The following LRBA variants were observed in gnomAD, a reference collection of about 807,000 sequenced individuals.
The protein encoded by LRBA is LPS responsive beige-like anchor protein.
A neutral mutation model predicts 330.0 loss-of-function variants in LRBA; 176 were observed. The observed-to-expected ratio is 0.53, with a 90% CI of 0.47 to 0.60. LRBA has a LOEUF of 0.60. Among genes scored for constraint, LRBA ranks in the 20% least tolerant of loss-of-function variants. LRBA has a pLI of 0.00. For missense variants in LRBA, 3,259 were observed against 3,444.8 expected (o/e 0.95, Z 1.35); for synonymous variants, 1,230 against 1,193.0 (o/e 1.03, Z -0.64).
intron 37 of LRBA, among the ~76,000 whole-genome samples, chr4:150,660,497 C>A (rs1382641972): frequency 1.3e-5 from 2 of 151,370 alleles, no homozygotes; most frequent in African/African-American, 2.4e-5. Flanking sequence ...TCAGCCCCCC[C>A]CGCCCGGCCA....
chr4:150,586,456 C>A (rs1772121909), intron 40 of LRBA, among the ~76,000 whole-genome samples: 1 of 152,076 alleles, frequency 6.6e-6, no homozygotes, highest in Non-Finnish European at 1.5e-5. Flanking sequence ...TTACAGAACA[C>A]CTTAAAGCAT....
intron 37 of LRBA, among the ~76,000 whole-genome samples, chr4:150,667,023 T>C (rs1447768143): frequency 3.3e-5 from 5 of 152,170 alleles, no homozygotes; most frequent in Admixed American, 3.3e-4. Flanking sequence ...AACCAAGTGC[T>C]CTGCCAGTGT....
chr4:150,486,499 C>T (rs921011370), intron 42 of LRBA, among the ~76,000 whole-genome samples: 1 of 151,696 alleles, frequency 6.6e-6, no homozygotes, highest in African/African-American at 2.4e-5. Context: ...GGAAATAAAG[C>T]AAATCTTCAG....
chr4:150,574,067 T>C (rs1189775202), intron 40 of LRBA, among the ~76,000 whole-genome samples: 1 of 152,080 alleles, frequency 6.6e-6, no homozygotes, highest in African/African-American at 2.4e-5. Context: ...CCATTAAATA[T>C]TTAAGGGAAA....
chr4:150,492,328 A>C (rs563126478), intron 40 of LRBA, among the ~76,000 whole-genome samples: 1 of 152,150 alleles, frequency 6.6e-6, no homozygotes, highest in Non-Finnish European at 1.5e-5. Context: ...TACAAAACAA[A>C]AAGTTCAAAA....
intron 47 of LRBA, among the ~76,000 whole-genome samples, chr4:150,385,885 AAGT>A (rs1479473472): frequency 6.6e-6 from 1 of 152,170 alleles, no homozygotes; most frequent in Non-Finnish European, 1.5e-5. Context: ...CAATAGCAGT[AAGT>A]AGCAGCTGGA....
chr4:150,787,634 C>A (rs1454604492), intron 34 of LRBA, among the ~76,000 whole-genome samples: 1 of 152,172 alleles, frequency 6.6e-6, no homozygotes, highest in Non-Finnish European at 1.5e-5. Context: ...GGGTATCCAT[C>A]CCCTCAAGCG....
intron 47 of LRBA, among the ~76,000 whole-genome samples, chr4:150,391,609 C>T (rs6848343): frequency 0.87 from 132,492 of 152,104 alleles, 58,561 homozygotes; most frequent in Non-Finnish European, 0.96. Context: ...ATATACGTGA[C>T]AGGAACTAGG....
At chr4:150,980,294 C>A (rs186909204) in intron 2 of LRBA, among the ~76,000 whole-genome samples, 28 of 152,118 alleles carry the variant, frequency 1.8e-4, no homozygotes, top group African/African-American at 6.7e-4. Flanking sequence ...ACAAAAAAAA[C>A]CCTCAAAAAA....
chr4:150,800,588 C>A (rs1741467392), intron 33 of LRBA, among the ~76,000 whole-genome samples: 1 of 152,122 alleles, frequency 6.6e-6, no homozygotes, highest in Non-Finnish European at 1.5e-5. Flanking sequence ...CTAAGAACAT[C>A]CAAAGGAAGG....
At chr4:150,610,730 A>C (rs920891059) in intron 37 of LRBA, among the ~76,000 whole-genome samples, 11 of 152,194 alleles carry the variant, frequency 7.2e-5, no homozygotes, top group African/African-American at 2.4e-4. Flanking sequence ...GCCTGGGATG[A>C]CTATGGGTGA....
rs148330317 is a variant in LRBA, at chr4:150,747,081, T to C, written c.5646-11715A>G. ...CATGGCTTATAAATCAGTCTCATTG[T>C]TGTTAAACTTTTATACTCTAAGAAC... On this transcript the variant is annotated intron_variant, in intron 35 of 56. Transcript: ENST00000651943. Among the ~76,000 whole-genome samples, 546 of 152,330 alleles carry C rather than the reference T, an allele frequency of 3.6e-3. 4 individuals carry two copies. Among genetic ancestry groups the C allele is most frequent in the Non-Finnish European group, 5.4e-3 (366 of 68,030 alleles).
At chr4:150,604,361 G>A (rs1258681897) in intron 37 of LRBA, among the ~76,000 whole-genome samples, 1 of 151,548 alleles carries the variant, frequency 6.6e-6, no homozygotes, top group Non-Finnish European at 1.5e-5. Flanking sequence ...CTCTGATGAT[G>A]GCAATGAACT....
In LRBA at chr4:150,761,852, A is replaced by T. The variant is rs749894370; in HGVS notation, c.5581-5T>A. Reference sequence around the variant, plus strand: ...CTGAATAGAATTTTGCCACTCCTATAAAAAAAAAAGCAAAAATAGCTGAAG... The same window carrying T: ...CTGAATAGAATTTTGCCACTCCTATTAAAAAAAAAGCAAAAATAGCTGAAG... On this transcript the variant is annotated splice_region_variant and splice_polypyrimidine_tract_variant and intron_variant, in intron 34 of 56. Transcript: ENST00000651943. 33 of 1,009,602 alleles carry T rather than the reference A, an allele frequency of 3.3e-5. 1 individual carries two copies. The highest frequency in any genetic ancestry group is 1.6e-4 in the South Asian group (7 of 44,668). 62.5% of individuals were successfully genotyped at this position (1,009,602 alleles called of 1,614,324 possible).
chr4:150,721,548 T>C (rs979309527), intron 36 of LRBA: 11 of 211,128 alleles, frequency 5.2e-5, no homozygotes, highest in Non-Finnish European at 2.8e-5. Context: ...GGGAAGACAA[T>C]GTGAATTAAA....
Position 150,321,336 on chromosome 4 carries a change from C to T in LRBA, c.7485G>A (p.Gln2495=). 1 of 1,604,154 alleles carries T rather than the reference C, an allele frequency of 6.2e-7. No individual in the cohort carries two copies. The highest frequency in any genetic ancestry group is 1.1e-5 in the South Asian group (1 of 89,320). The change falls in exon 50 of 57, where the codon CAG becomes CAA. Residue 2495 remains glutamine, a synonymous_variant. Transcript: ENST00000651943. The surrounding 1 kb of genome is among the most constrained non-coding windows in gnomAD (Gnocchi z 4.5). ...GAAACTTGAGGACCATGATAACATC[C>T]TGCTGGGCTTTGTCTGTGAACATCA... is the stretch of plus-strand genomic sequence containing the variant. ...SPLMFTDKAQ[Q]DVIMVLKFPS...
intron 40 of LRBA, among the ~76,000 whole-genome samples, chr4:150,502,936 C>G (rs1381787853): frequency 1.4e-4 from 21 of 152,198 alleles, no homozygotes; most frequent in Non-Finnish European, 1.5e-4. Context: ...GTCCTACACC[C>G]ACGGAGTCTC....
At position 150,583,524 on chromosome 4, in the gene LRBA, C is replaced by A; in HGVS notation, c.6330+4524G>T. ...AGGTCAAGTTGCGCATCAGGGAGCG[C>A]TATGTGGTGCAAATCACTCCGGCGT... On this transcript the variant is annotated intron_variant, in intron 40 of 56. Transcript: ENST00000651943. The surrounding 1 kb of genome is among the most constrained non-coding windows in gnomAD (Gnocchi z 9.8). The A allele has an allele frequency of 6.2e-7, 1 of 1,614,008 alleles. No individual in the cohort carries two copies. Among genetic ancestry groups the A allele is most frequent in the Non-Finnish European group, 8.5e-7 (1 of 1,180,024 alleles).
At chr4:150,886,523 A>G (rs1728952680) in intron 17 of LRBA, among the ~76,000 whole-genome samples, 1 of 152,200 alleles carries the variant, frequency 6.6e-6, no homozygotes, top group South Asian at 2.1e-4. Flanking sequence ...TTCCTGAATG[A>G]AGCATATGTA....
Sources: allele counts gnomAD v4.1 joint callset (sites outside exome capture counted in the v4.1 genomes callset), GRCh38; gene constraint gnomAD v4.1.1; non-coding constraint Gnocchi (gnomAD v3.1); transcripts MANE v1.5; gene names NCBI Gene and HGNC (gene_info 2026-07-23, HGNC 2026-07-21).